Variants in ATP11A observed in about 807,000 individuals in gnomAD.
ATP11A encodes ATPase phospholipid transporting 11A.
ATP11A carries 81 observed loss-of-function variants against 154.4 expected under a neutral mutation model. That is an observed-to-expected ratio of 0.52 (90% CI 0.44 to 0.63). ATP11A has a LOEUF of 0.63. Ranked by LOEUF, ATP11A falls within the 30% of genes least tolerant of loss-of-function variation. ATP11A has a pLI of 0.00. For synonymous variants in ATP11A, 623 were observed against 585.9 expected (o/e 1.06, Z -0.91); for missense variants, 1,316 against 1,474.3 (o/e 0.89, Z 1.76).
In ATP11A at chr13:112,873,635, G is replaced by A. The variant is rs149548211; in HGVS notation, c.3120G>A (p.Leu1040=). The A allele has an allele frequency of 1.5e-5, 25 of 1,613,588 alleles. No homozygotes were observed. Among genetic ancestry groups the A allele is most frequent in the African/African-American group, 1.3e-4 (10 of 74,858 alleles). ...INHFVIWGSL[L]FYVVFSLLWG... ...ATTTTGTCATCTGGGGGTCGCTGCT[G>A]TTCTACGTTGTCTTTTCGCTTCTCT... Residue 1040 remains leucine, a synonymous_variant, in exon 27 of 30, where the codon CTG becomes CTA. Transcript: ENST00000375645.
intron 1 of ATP11A, among the ~76,000 whole-genome samples, chr13:112,691,557 G>A (rs562312784): frequency 2.6e-4 from 40 of 151,094 alleles, no homozygotes; most frequent in African/African-American, 9.0e-4. Flanking sequence ...CCACTGTCTT[G>A]CACAAGAGGC....
intron 2 of ATP11A, among the ~76,000 whole-genome samples, chr13:112,789,276 AGACC>A (rs2077761469): frequency 6.7e-6 from 1 of 149,252 alleles, no homozygotes; most frequent in African/African-American, 2.5e-5. Flanking sequence ...ACTCCTGTGG[AGACC>A]TCCTTAATCC....
At chr13:112,693,414 G>C (rs1027307742) in intron 1 of ATP11A, among the ~76,000 whole-genome samples, 1 of 151,126 alleles carries the variant, frequency 6.6e-6, no homozygotes, top group Middle Eastern at 3.2e-3. Flanking sequence ...ATGTGCTGTC[G>C]GGGGCGTGAG....
Position 112,854,399 on chromosome 13 carries a change from C to G in ATP11A, c.2112C>G (p.Phe704Leu), listed in dbSNP as rs2079861913. 5 of 1,613,928 alleles carry G rather than the reference C, an allele frequency of 3.1e-6. No individual in the cohort carries two copies. Among genetic ancestry groups the G allele is most frequent in the Non-Finnish European group, 4.2e-6 (5 of 1,180,048 alleles). The change falls in exon 19 of 30, where the codon TTC becomes TTG. Residue 704 changes from phenylalanine to leucine, a missense_variant. Physicochemically the swap from Phe to Leu is conservative, Grantham distance 22 (BLOSUM62 0). Transcript: ENST00000375645. The stretch of plus-strand genomic sequence containing the variant: ...CCACGTGCTACGCCTGCAAGCTCTT[C>G]CGCAGGAACACGCAGCTGCTGGAGC... ...AAATCYACKL[F>L]RRNTQLLELT...
rs1315809112 is a variant in ATP11A at position 112,694,308 on chromosome 13, A to G, written c.39+3853A>G. Among the ~76,000 whole-genome samples, 3 of 152,208 alleles carry G rather than the reference A, an allele frequency of 2.0e-5. No homozygotes were observed. In the East Asian group the frequency reaches 5.8e-4, roughly 29 times the overall value. On this transcript the variant is annotated intron_variant, in intron 1 of 29. Coordinates refer to ENST00000375645, the MANE Select transcript of ATP11A (RefSeq NM_015205.3). ...TGGGGAAGCTCTCAGTCCGTTTGTC[A>G]TGCCTGGCTGTTAACATAGCTGAGT...
At chr13:112,800,839 C>T (rs1173187405) in intron 2 of ATP11A, among the ~76,000 whole-genome samples, 1 of 152,118 alleles carries the variant, frequency 6.6e-6, no homozygotes, top group African/African-American at 2.4e-5. Context: ...CAAGGCTGAT[C>T]CAACATTTGA....
Position 112,773,969 on chromosome 13 carries a change from C to T in ATP11A, c.40-11166C>T, listed in dbSNP as rs575729444. ...AGAGAAGGGGTCCCGGAGGAACTCA[C>T]AGAGCGGTGGAAGGCATCAAAGAAC... is the stretch of plus-strand genomic sequence containing the variant. On this transcript the variant is annotated intron_variant, in intron 1 of 29. Transcript: ENST00000375645. Among the ~76,000 whole-genome samples, 39 of 152,060 alleles carry T rather than the reference C, an allele frequency of 2.6e-4. 1 individual carries two copies. The highest frequency in any genetic ancestry group is 6.2e-4 in the South Asian group (3 of 4,812).
At chr13:112,695,782 A>G (rs1445171465) in intron 1 of ATP11A, among the ~76,000 whole-genome samples, 2 of 152,246 alleles carry the variant, frequency 1.3e-5, no homozygotes, top group Non-Finnish European at 2.9e-5. Flanking sequence ...TGCTTGGAGC[A>G]TATGTTCAAT....
At position 112,859,385 on chromosome 13, in the gene ATP11A, C is replaced by T. The variant is rs758661182; in HGVS notation, c.2668-8C>T. ...TCACCGAACTAACAGTTATGCCTTGCCTTTCAGAACGTCTGCTTCATCTTC... is the reference window on the plus strand; with the variant it reads ...TCACCGAACTAACAGTTATGCCTTGTCTTTCAGAACGTCTGCTTCATCTTC... On this transcript the variant is annotated splice_polypyrimidine_tract_variant and splice_region_variant and intron_variant, in intron 22 of 29. Transcript: ENST00000375645. The surrounding 1 kb of genome is among the most constrained non-coding windows in gnomAD (Gnocchi z 4.3). 6.2e-6 allele frequency: 10 copies of T among 1,613,670 alleles called. No homozygotes were observed. The East Asian group carries it at 2.0e-4, about 32-fold the overall frequency.
At chr13:112,711,983 C>T (rs974762164) in intron 1 of ATP11A, among the ~76,000 whole-genome samples, 1 of 152,180 alleles carries the variant, frequency 6.6e-6, no homozygotes, top group Admixed American at 6.5e-5. Flanking sequence ...CTTCTCCCAG[C>T]CCTGTTGTCT....
chr13:112,760,333 G>A (rs989139886), intron 1 of ATP11A, among the ~76,000 whole-genome samples: 1 of 152,158 alleles, frequency 6.6e-6, no homozygotes, highest in Non-Finnish European at 1.5e-5. Flanking sequence ...TAGGGCCCCC[G>A]CCGAGTCCAG....
At chr13:112,787,497 C>G (rs2077675435) in intron 2 of ATP11A, among the ~76,000 whole-genome samples, 1 of 103,756 alleles carries the variant, frequency 9.6e-6, no homozygotes, top group Non-Finnish European at 1.8e-5. Flanking sequence ...CACCGGGTGT[C>G]CTGATGCGTA....
chr13:112,772,819 G>A (rs1339056399), intron 1 of ATP11A, among the ~76,000 whole-genome samples: 3 of 152,270 alleles, frequency 2.0e-5, no homozygotes, highest in East Asian at 1.9e-4. Flanking sequence ...GGTGCTCTGC[G>A]TCCTCTCCTG....
At chr13:112,727,256 A>G (rs1458770566) in intron 1 of ATP11A, among the ~76,000 whole-genome samples, 4 of 152,234 alleles carry the variant, frequency 2.6e-5, no homozygotes. Context: ...CATGTTGGCC[A>G]GGCTGGTCTC....
chr13:112,866,736 C>A (rs1416062284), intron 25 of ATP11A, among the ~76,000 whole-genome samples: 1 of 133,838 alleles, frequency 7.5e-6, no homozygotes, highest in African/African-American at 2.7e-5. Flanking sequence ...GGTTCAAACA[C>A]AAAAGTCCTG....
At chr13:112,841,167 G>T (rs187883367) in intron 16 of ATP11A, among the ~76,000 whole-genome samples, 1 of 149,218 alleles carries the variant, frequency 6.7e-6, no homozygotes, top group Non-Finnish European at 1.5e-5. Context: ...TCTGTGTGTC[G>T]GGAGCACCTG....
intron 5 of ATP11A, among the ~76,000 whole-genome samples, chr13:112,811,357 C>T (rs1258707434): frequency 2.0e-5 from 3 of 151,902 alleles, no homozygotes; most frequent in African/African-American, 7.3e-5. Context: ...TCCCCACACA[C>T]AGCCTCCCCA....
In ATP11A at chr13:112,854,327, G is replaced by A. The variant is rs142008475; in HGVS notation, c.2040G>A (p.Gly680=). ...CCATCGAGGCCCTGCAGAAGGCCGG[G>A]ATCAAAGTCTGGGTTCTCACGGGAG... The part of the protein sequence containing the change: ...ADTIEALQKA[G]IKVWVLTGDK... Residue 680 remains glycine, a synonymous_variant, in exon 19 of 30, where the codon GGG becomes GGA. Transcript: ENST00000375645. 5,229 of 1,614,146 alleles carry A rather than the reference G, an allele frequency of 3.2e-3. 20 individuals are homozygous for A. Among genetic ancestry groups the A allele is most frequent in the Non-Finnish European group, 4.0e-3 (4,774 of 1,180,040 alleles).
intron 3 of ATP11A, among the ~76,000 whole-genome samples, chr13:112,805,531 C>T (rs2078295803): frequency 1.3e-5 from 2 of 151,986 alleles, no homozygotes; most frequent in African/African-American, 2.4e-5. Context: ...CAAAAATTAG[C>T]TGGGTGTGGT....
Sources: allele counts gnomAD v4.1 joint callset (sites outside exome capture counted in the v4.1 genomes callset), GRCh38; gene constraint gnomAD v4.1.1; non-coding constraint Gnocchi (gnomAD v3.1); transcripts MANE v1.5; gene names NCBI Gene and HGNC (gene_info 2026-07-23, HGNC 2026-07-21).